RARB: variants seen among roughly 807,000 people sequenced by gnomAD.
RARB encodes HBV-activated protein.
Under a neutral mutation model 51.9 loss-of-function variants are expected in RARB, and 17 were observed. That is an observed-to-expected ratio of 0.33 (90% CI 0.22 to 0.49). The LOEUF (loss-of-function observed/expected upper bound fraction) is 0.49, where lower values mean the gene tolerates loss of function less well. Ranked by LOEUF, RARB falls within the 20% of genes least tolerant of loss-of-function variation. The probability of loss-of-function intolerance (pLI) is 0.99; values close to 1 mark genes in which losing one functional copy is unlikely to be tolerated. For synonymous variants in RARB, 215 were observed against 195.4 expected, an observed-to-expected ratio of 1.10 and a Z score of -0.84; for missense variants, 369 against 550.8, an observed-to-expected ratio of 0.67 and a Z score of 3.30.
intron 3 of RARB, among the ~76,000 whole-genome samples, chr3:25,105,346 G>A (rs1298341801): frequency 2.7e-5 from 4 of 149,292 alleles, no homozygotes; most frequent in Non-Finnish European, 5.9e-5. Context: ...ATAGTAAAAC[G>A]AGTGCTTTGA....
At chr3:25,443,031 C>T (rs1381789830) in intron 1 of RARB, among the ~76,000 whole-genome samples, 1 of 152,110 alleles carries the variant, frequency 6.6e-6, no homozygotes, top group Non-Finnish European at 1.5e-5. Context: ...ATACCATGAG[C>T]TCTCCCCCGG....
At chr3:25,340,858 T>C (rs1333953427) in intron 5 of RARB, among the ~76,000 whole-genome samples, 2 of 152,202 alleles carry the variant, frequency 1.3e-5, no homozygotes, top group Non-Finnish European at 2.9e-5. Context: ...CAAATAATTA[T>C]GAGGAATGAA....
At chr3:24,888,696 A>G (rs918551241) in intron 2 of RARB, among the ~76,000 whole-genome samples, 1 of 152,190 alleles carries the variant, frequency 6.6e-6, no homozygotes, top group Admixed American at 6.5e-5. Context: ...TGGAAAATAA[A>G]GGCTGTGCAT....
chr3:25,009,194 T>A (rs1697341806), intron 2 of RARB, among the ~76,000 whole-genome samples: 1 of 152,088 alleles, frequency 6.6e-6, no homozygotes, highest in South Asian at 2.1e-4. Context: ...GAAAATAGTA[T>A]CTCCCAAATT....
At chr3:25,186,885 CTGTGTGTGTGTGTG>C (rs71057702) in intron 5 of RARB, among the ~76,000 whole-genome samples, 1,467 of 114,284 alleles carry the variant, frequency 0.013, 17 homozygotes, top group South Asian at 0.032. Flanking sequence ...AAAGGTAAGC[CTGTGTGTGTGTGTG>C]TGTGTGTGTG....
Position 25,457,143 on chromosome 3 carries a change from G to T in RARB, c.158-4050G>T, listed in dbSNP as rs890494000. The stretch of plus-strand genomic sequence containing the variant: ...CCTAGCTCCATTCTCAGACATTCTG[G>T]CATAATAGATCTGGGATACAACTTG... On this transcript the variant is annotated intron_variant, in intron 1 of 7. Coordinates refer to ENST00000330688, the MANE Select transcript of RARB (RefSeq NM_000965.5). Among the ~76,000 whole-genome samples the T allele has an allele frequency of 2.0e-5, 3 of 151,670 alleles. No homozygotes were observed. In the South Asian group the frequency reaches 6.3e-4, roughly 32 times the overall value.
chr3:24,943,323 CTT>C (rs1333540931), intron 2 of RARB, among the ~76,000 whole-genome samples: 1 of 152,106 alleles, frequency 6.6e-6, no homozygotes, highest in Non-Finnish European at 1.5e-5. Flanking sequence ...GCAGCCAAAT[CTT>C]TTGGGGGTAA....
At chr3:25,085,482 C>T (rs1699088717) in intron 3 of RARB, among the ~76,000 whole-genome samples, 1 of 152,110 alleles carries the variant, frequency 6.6e-6, no homozygotes, top group East Asian at 1.9e-4. Context: ...CATTCTCTCA[C>T]ATTTCTACCT....
chr3:25,189,914 T>C (rs1222336607), intron 5 of RARB, among the ~76,000 whole-genome samples: 1 of 151,974 alleles, frequency 6.6e-6, no homozygotes, highest in Non-Finnish European at 1.5e-5. Flanking sequence ...AGAAAATCCT[T>C]CATTGGGGCC....
chr3:25,160,652 T>TA (rs1284349791), intron 4 of RARB, among the ~76,000 whole-genome samples: 1 of 152,236 alleles, frequency 6.6e-6, no homozygotes, highest in Non-Finnish European at 1.5e-5. Context: ...ATTAGGTTTT[T>TA]ATTGTTGTGA....
In RARB at chr3:24,929,322, A is replaced by G. The variant is rs17015485; in HGVS notation, c.-380+70570A>G. ...TGCATAGTGAAATCTCTGCGTTTGC[A>G]CATTACACTAGCTATTCTTATGGAT... On this transcript the variant is annotated intron_variant, in intron 2 of 11. Transcript: ENST00000383772. 3.5e-3 allele frequency among the ~76,000 whole-genome samples: 531 copies of G among 152,204 alleles called. 15 individuals are homozygous for G. In the East Asian group the frequency reaches 0.086, roughly 25 times the overall value.
chr3:25,414,383 A>G (rs1017645892), intron 5 of RARB, among the ~76,000 whole-genome samples: 2 of 152,224 alleles, frequency 1.3e-5, no homozygotes, highest in African/African-American at 4.8e-5. Context: ...GCTACTATGA[A>G]TGTTCATGTT....
intron 5 of RARB, among the ~76,000 whole-genome samples, chr3:25,193,423 G>C (rs1034192378): frequency 1.3e-5 from 2 of 151,964 alleles, no homozygotes; most frequent in African/African-American, 4.8e-5. Context: ...AAAACCTTAA[G>C]TCCCTAAAAA....
chr3:25,353,607 C>G (rs1035346587), intron 5 of RARB, among the ~76,000 whole-genome samples: 3 of 150,672 alleles, frequency 2.0e-5, no homozygotes, highest in Non-Finnish European at 4.4e-5. Flanking sequence ...TTGTCTTACC[C>G]CAAAGTAGAT....
chr3:25,525,646 T>A, intron 3 of RARB, among the ~76,000 whole-genome samples: 1 of 152,104 alleles, frequency 6.6e-6, no homozygotes, highest in East Asian at 1.9e-4. Flanking sequence ...ATGTTCAGGG[T>A]TGGGAGAGGG....
rs184047900 is a variant in RARB at position 25,338,084 on chromosome 3, C to T, written c.179-123109C>T. On this transcript the variant is annotated intron_variant, in intron 5 of 11. Transcript: ENST00000383772. Reference sequence around the variant, plus strand: ...ATTGAAGCATGTGTATGTCACCCCCCTCCAAACCCCCAACACACACACACA... The same window carrying T: ...ATTGAAGCATGTGTATGTCACCCCCTTCCAAACCCCCAACACACACACACA... Among the ~76,000 whole-genome samples the T allele has an allele frequency of 2.0e-3, 279 of 139,314 alleles. 1 individual carries two copies. Among genetic ancestry groups the T allele is most frequent in the African/African-American group, 6.9e-3 (257 of 37,464 alleles). 91.4% of individuals were successfully genotyped at this position (139,314 alleles called of 152,430 possible). A position where few individuals can be genotyped will look rare whatever the true frequency, so the allele number is the denominator to read the frequency against.
chr3:25,096,477 G>A (rs1485753057), intron 3 of RARB, among the ~76,000 whole-genome samples: 1 of 152,108 alleles, frequency 6.6e-6, no homozygotes, highest in Admixed American at 6.6e-5. Context: ...ATTCTAAGAT[G>A]CCTTATACAC....
chr3:25,036,682 C>A (rs185080433), intron 2 of RARB, among the ~76,000 whole-genome samples: 26 of 152,254 alleles, frequency 1.7e-4, no homozygotes, highest in Non-Finnish European at 3.1e-4. Context: ...GAGTGTGGTG[C>A]CAACAATCTG....
At chr3:25,246,439 T>C (rs948276037) in intron 5 of RARB, among the ~76,000 whole-genome samples, 3 of 152,170 alleles carry the variant, frequency 2.0e-5, no homozygotes, top group African/African-American at 7.2e-5. Flanking sequence ...TGTGCTTGTT[T>C]TTCCTCACCT....
Sources: allele counts gnomAD v4.1 joint callset (sites outside exome capture counted in the v4.1 genomes callset), GRCh38; gene constraint gnomAD v4.1.1; transcripts MANE v1.5; gene names NCBI Gene and HGNC (gene_info 2026-07-23, HGNC 2026-07-21).